Variants in PDGFD observed in about 807,000 individuals in gnomAD.
PDGFD encodes the protein platelet derived growth factor D, also known as platelet-derived growth factor D.
In PDGFD, 30 loss-of-function variants were observed where a neutral mutation model predicts 44.7. That is an observed-to-expected ratio of 0.67 (90% CI 0.50 to 0.91). The LOEUF (loss-of-function observed/expected upper bound fraction) is 0.91. Among genes scored for constraint, PDGFD ranks in the 40% least tolerant of loss-of-function variants. The pLI, the probability that PDGFD is intolerant of heterozygous loss-of-function variation, is 0.00. For missense variants in PDGFD, 445 were observed against 457.8 expected, an observed-to-expected ratio of 0.97 and a Z score of 0.25; for synonymous variants, 173 against 168.4, an observed-to-expected ratio of 1.03 and a Z score of -0.21.
chr11:104,155,542 C>T (rs1434707704), intron 1 of PDGFD, among the ~76,000 whole-genome samples: 1 of 152,124 alleles, frequency 6.6e-6, no homozygotes, highest in African/African-American at 2.4e-5. Context: ...TATTCTAATA[C>T]CCTACTCCTC....
intron 1 of PDGFD, among the ~76,000 whole-genome samples, chr11:104,054,262 A>G (rs1387928943): frequency 6.6e-6 from 1 of 152,204 alleles, no homozygotes; most frequent in Non-Finnish European, 1.5e-5. Context: ...TATTTGCACA[A>G]TATCCTTCAT....
chr11:103,925,716 C>CACATATATATATATATAT (rs1198529368), intron 6 of PDGFD, among the ~76,000 whole-genome samples: 14 of 122,774 alleles, frequency 1.1e-4, no homozygotes, highest in African/African-American at 4.5e-4. Context: ...CACACACACA[C>CACATATATATATATATAT]ATATATATAT....
At chr11:104,134,473 A>T (rs749001481) in intron 1 of PDGFD, among the ~76,000 whole-genome samples, 4 of 152,200 alleles carry the variant, frequency 2.6e-5, no homozygotes, top group South Asian at 2.1e-4. Context: ...AATTAATTCA[A>T]GTCATACAGC....
intron 1 of PDGFD, among the ~76,000 whole-genome samples, chr11:104,112,587 C>T (rs1404432751): frequency 2.0e-5 from 3 of 152,006 alleles, no homozygotes; most frequent in African/African-American, 7.2e-5. Context: ...TTCACTGTAG[C>T]ACTATTCACA....
rs1192126169 is a variant in PDGFD at position 104,145,208 on chromosome 11, A to G, written c.124+18596T>C. 2.0e-5 allele frequency among the ~76,000 whole-genome samples: 3 copies of G among 152,308 alleles called. No homozygotes were observed. The East Asian group carries it at 5.8e-4, about 29-fold the overall frequency. On this transcript the variant is annotated intron_variant, in intron 1 of 6. Transcript: ENST00000393158. ...AGCTGAGGTCTTGTTACCCTTAATC[A>G]TTATTCCATATGTCTCTCATCAGGC...
At chr11:104,092,621 T>C (rs1861227130) in intron 1 of PDGFD, among the ~76,000 whole-genome samples, 1 of 152,182 alleles carries the variant, frequency 6.6e-6, no homozygotes, top group African/African-American at 2.4e-5. Context: ...CTAATTCTGA[T>C]CTTCTTGAAA....
At chr11:103,979,195 A>G (rs1859227628) in intron 3 of PDGFD, among the ~76,000 whole-genome samples, 1 of 151,762 alleles carries the variant, frequency 6.6e-6, no homozygotes, top group Admixed American at 6.6e-5. Context: ...CTTTGGCCAA[A>G]TTTCTTTCTT....
At chr11:103,978,057 G>A (rs1297635721) in intron 3 of PDGFD, among the ~76,000 whole-genome samples, 3 of 152,152 alleles carry the variant, frequency 2.0e-5, no homozygotes, top group Non-Finnish European at 2.9e-5. Context: ...TTCATCATCC[G>A]GCTCCATCAT....
At chr11:103,960,582 T>C (rs1024275652) in intron 3 of PDGFD, among the ~76,000 whole-genome samples, 1 of 152,160 alleles carries the variant, frequency 6.6e-6, no homozygotes, top group Non-Finnish European at 1.5e-5. Flanking sequence ...CCTTAAGAAA[T>C]GTGTTGTCTA....
At chr11:104,080,960 G>GA (rs1172238701) in intron 1 of PDGFD, among the ~76,000 whole-genome samples, 1 of 152,166 alleles carries the variant, frequency 6.6e-6, no homozygotes, top group East Asian at 1.9e-4. Flanking sequence ...AGTAAATGTG[G>GA]AAACAGATCC....
chr11:104,109,097 T>C (rs1861513407), intron 1 of PDGFD, among the ~76,000 whole-genome samples: 1 of 151,698 alleles, frequency 6.6e-6, no homozygotes, highest in South Asian at 2.1e-4. Context: ...ACATACCTAA[T>C]GTAAATGATG....
chr11:103,943,302 A>C (rs1858615067), intron 5 of PDGFD, 150 bp downstream of exon 5: 1 of 709,962 alleles, frequency 1.4e-6, no homozygotes, highest in Admixed American at 2.9e-5. Flanking sequence ...ATACTGAGCC[A>C]GCAAGTATAA....
At chr11:104,118,817 AT>A (rs1861684931) in intron 1 of PDGFD, among the ~76,000 whole-genome samples, 1 of 50,614 alleles carries the variant, frequency 2.0e-5, no homozygotes, top group Non-Finnish European at 4.2e-5. Context: ...ATAATATATT[AT>A]ATATTATAAA....
chr11:104,130,451 C>A (rs549875946), intron 1 of PDGFD, among the ~76,000 whole-genome samples: 1 of 152,074 alleles, frequency 6.6e-6, no homozygotes, highest in South Asian at 2.1e-4. Context: ...TCCAGGTGGG[C>A]AAGAGATTAA....
At chr11:104,073,166 T>G (rs1171578207) in intron 1 of PDGFD, among the ~76,000 whole-genome samples, 1 of 152,066 alleles carries the variant, frequency 6.6e-6, no homozygotes, top group Non-Finnish European at 1.5e-5. Context: ...TAAAAAAAGA[T>G]TCAACTATAT....
chr11:104,000,696 T>C lies in PDGFD; in HGVS notation c.125-441A>G, dbSNP rs539356838. Among the ~76,000 whole-genome samples the C allele has an allele frequency of 4.6e-5, 7 of 152,324 alleles. No homozygotes were observed. In the East Asian group the frequency reaches 1.4e-3, roughly 29 times the overall value. Reference sequence around the variant, plus strand: ...TTGGGAGTTCTCTTAATATCATTCTTGACAAGCAAAGACTAACAACAATCT... The same window carrying C: ...TTGGGAGTTCTCTTAATATCATTCTCGACAAGCAAAGACTAACAACAATCT... On this transcript the variant is annotated intron_variant, in intron 1 of 6. Transcript: ENST00000393158.
intron 1 of PDGFD, among the ~76,000 whole-genome samples, chr11:104,113,851 G>C (rs750177913): frequency 2.3e-4 from 35 of 151,924 alleles, no homozygotes; most frequent in Non-Finnish European, 4.6e-4. Flanking sequence ...GTTTTAATCT[G>C]AATTTCCTTG....
At chr11:103,940,558 TTTA>T (rs1858567288) in intron 5 of PDGFD, among the ~76,000 whole-genome samples, 1 of 152,142 alleles carries the variant, frequency 6.6e-6, no homozygotes, top group South Asian at 2.1e-4. Flanking sequence ...GTTTTCACTG[TTTA>T]TTCACTGCTC....
chr11:104,053,945 T>C (rs1209898107), intron 1 of PDGFD, among the ~76,000 whole-genome samples: 1 of 152,160 alleles, frequency 6.6e-6, no homozygotes, highest in Non-Finnish European at 1.5e-5. Context: ...GAGACATTTA[T>C]GAAGGTAGAA....
Sources: allele counts gnomAD v4.1 joint callset (sites outside exome capture counted in the v4.1 genomes callset), GRCh38; gene constraint gnomAD v4.1.1; transcripts MANE v1.5; gene names NCBI Gene and HGNC (gene_info 2026-07-23, HGNC 2026-07-21).